The following OXCT1 variants were observed in gnomAD, a reference collection of about 807,000 sequenced individuals.
The protein encoded by OXCT1 is 3-oxoacid CoA-transferase 1.
OXCT1 carries 27 observed loss-of-function variants against 69.6 expected under a neutral mutation model. That is an observed-to-expected ratio of 0.39 (90% CI 0.29 to 0.54). OXCT1 has a LOEUF of 0.54. OXCT1 is among the 20% of genes least tolerant of loss of function. The pLI, the probability that OXCT1 is intolerant of heterozygous loss-of-function variation, is 0.72. For synonymous variants in OXCT1, 202 were observed against 217.8 expected (o/e 0.93, Z 0.64); for missense variants, 437 against 650.2 (o/e 0.67, Z 3.57).
chr5:41,829,707 T>A (rs919200874), intron 7 of OXCT1, among the ~76,000 whole-genome samples: 1 of 152,190 alleles, frequency 6.6e-6, no homozygotes, highest in Non-Finnish European at 1.5e-5. Context: ...TACAAGTGTA[T>A]GTAAAATAAT....
At chr5:41,802,762 A>G (rs747216117) in intron 10 of OXCT1, among the ~76,000 whole-genome samples, 3 of 152,144 alleles carry the variant, frequency 2.0e-5, no homozygotes, top group African/African-American at 7.2e-5. Context: ...AGCCAGAGTC[A>G]GGAACGTACC....
At chr5:41,841,568 C>A (rs1222013013) in intron 6 of OXCT1, among the ~76,000 whole-genome samples, 1 of 152,172 alleles carries the variant, frequency 6.6e-6, no homozygotes, top group East Asian at 1.9e-4. Context: ...CATTAACCAC[C>A]AGCATAAAGT....
intron 5 of OXCT1, among the ~76,000 whole-genome samples, chr5:41,848,889 A>C (rs1235905897): frequency 1.3e-5 from 2 of 152,080 alleles, no homozygotes; most frequent in Non-Finnish European, 2.9e-5. Flanking sequence ...GACTTCATGT[A>C]TAAAACACCA....
intron 14 of OXCT1, among the ~76,000 whole-genome samples, chr5:41,758,021 A>G (rs1744168444): frequency 6.6e-6 from 1 of 152,146 alleles, no homozygotes; most frequent in South Asian, 2.1e-4. Flanking sequence ...AGGGGCAGTC[A>G]GCAGTCAGGG....
chr5:41,749,402 T>C (rs1743655176), intron 15 of OXCT1, 125 bp downstream of exon 15: 2 of 651,450 alleles, frequency 3.1e-6, no homozygotes, highest in Non-Finnish European at 5.6e-6. Context: ...TGAGCTTTCC[T>C]ATTCGTTCTG....
At position 41,739,457 on chromosome 5, in the gene OXCT1, G is replaced by T; in HGVS notation, c.1454C>A (p.Thr485Asn). 6.2e-7 allele frequency: 1 copy of T among 1,613,720 alleles called. No homozygotes were observed. Among genetic ancestry groups the T allele is most frequent in the Non-Finnish European group, 8.5e-7 (1 of 1,179,648 alleles). The change falls in exon 16 of 17, where the codon ACT (threonine) becomes AAT (asparagine). Residue 485 changes from threonine to asparagine, a missense_variant. Physicochemically the swap from Thr to Asn is moderately conservative, Grantham distance 65 (BLOSUM62 0). Coordinates refer to ENST00000196371, the MANE Select transcript of OXCT1 (RefSeq NM_000436.4). ...CAGGCCTTCCCAGAGCTCAATCAGAGTCAACCCTTTCTTCTTGTCCACATC... is the reference window on the plus strand; with the variant it reads ...CAGGCCTTCCCAGAGCTCAATCAGATTCAACCCTTTCTTCTTGTCCACATC... ...VFDVDKKKGL[T>N]LIELWEGLTV...
At chr5:41,749,707 C>G in intron 14 of OXCT1, 100 bp from the exon 15 acceptor site, 1 of 784,616 alleles carries the variant, frequency 1.3e-6, no homozygotes, top group East Asian at 2.7e-5. Flanking sequence ...GAGAAATTGT[C>G]TCCTAAGTAA....
chr5:41,760,182 T>C (rs1479618165), intron 14 of OXCT1, among the ~76,000 whole-genome samples: 2 of 152,126 alleles, frequency 1.3e-5, no homozygotes, highest in Non-Finnish European at 2.9e-5. Flanking sequence ...TAGTAGCAGC[T>C]ACATATTCGA....
At chr5:41,766,396 T>A (rs1744599736) in intron 13 of OXCT1, among the ~76,000 whole-genome samples, 1 of 152,106 alleles carries the variant, frequency 6.6e-6, no homozygotes, top group South Asian at 2.1e-4. Context: ...AAAAGATGAA[T>A]ATGATGATCC....
Position 41,870,419 on chromosome 5 carries a change from C to T in OXCT1, c.-61G>A. The T allele has an allele frequency of 7.5e-7, 1 of 1,326,752 alleles. No homozygotes were observed. Among genetic ancestry groups the T allele is most frequent in the Non-Finnish European group, 1.1e-6 (1 of 931,444 alleles). 82.2% of individuals were successfully genotyped at this position (1,326,752 alleles called of 1,614,324 possible). ...GAGCGCGCGTTTGAGCGTCGGTGCG[C>T]GACTGCGAAGGAAACCCGGGCGGGC... On this transcript the variant is annotated 5_prime_UTR_variant, in exon 1 of 17. Transcript: ENST00000196371. The surrounding 1 kb of genome is among the most constrained non-coding windows in gnomAD (Gnocchi z 4.2).
intron 7 of OXCT1, among the ~76,000 whole-genome samples, chr5:41,825,786 C>T (rs1185949533): frequency 6.6e-6 from 1 of 152,202 alleles, no homozygotes; most frequent in Non-Finnish European, 1.5e-5. Context: ...CAGCATGAGG[C>T]CCTCACCAGA....
At chr5:41,746,503 A>T (rs964986745) in intron 15 of OXCT1, among the ~76,000 whole-genome samples, 1 of 152,064 alleles carries the variant, frequency 6.6e-6, no homozygotes, top group Non-Finnish European at 1.5e-5. Context: ...TTTATTGAGC[A>T]CCTACTATGC....
At chr5:41,807,214 G>A (rs1372951282) in intron 8 of OXCT1, 117 bp downstream of exon 8, 1 of 708,652 alleles carries the variant, frequency 1.4e-6, no homozygotes, top group African/African-American at 1.7e-5. Context: ...CTCTTACTAA[G>A]ATCCAAGACC....
intron 7 of OXCT1, among the ~76,000 whole-genome samples, chr5:41,821,883 T>C: frequency 6.6e-6 from 1 of 152,218 alleles, no homozygotes; most frequent in East Asian, 1.9e-4. Flanking sequence ...AACCAGAGTT[T>C]GTCATTTTTT....
At chr5:41,823,283 CCCTCCCCTTG>C (rs1747651337) in intron 7 of OXCT1, among the ~76,000 whole-genome samples, 1 of 152,130 alleles carries the variant, frequency 6.6e-6, no homozygotes, top group African/African-American at 2.4e-5. Flanking sequence ...CACTTTTCCC[CCCTCCCCTTG>C]CCAGAAGCAC....
rs868726311 is a variant in OXCT1 at position 41,822,625 on chromosome 5, C to A, written c.733-15187G>T. ...AGTAGCCAGAATTACAGGCGTGTGC[C>A]ACCATGCCCGGCTAATTTTTGTATT... On this transcript the variant is annotated intron_variant, in intron 7 of 16. Coordinates refer to ENST00000196371, the MANE Select transcript of OXCT1 (RefSeq NM_000436.4). Among the ~76,000 whole-genome samples, 10 of 152,230 alleles carry A rather than the reference C, an allele frequency of 6.6e-5. No individual in the cohort carries two copies. In the South Asian group the frequency reaches 1.7e-3, roughly 25 times the overall value.
intron 14 of OXCT1, among the ~76,000 whole-genome samples, chr5:41,750,424 A>T (rs1463217388): frequency 6.6e-6 from 1 of 151,962 alleles, no homozygotes; most frequent in African/African-American, 2.4e-5. Context: ...GGCTCTGAGG[A>T]TCTGATCTTC....
At chr5:41,758,066 T>G (rs1465837393) in intron 14 of OXCT1, among the ~76,000 whole-genome samples, 1 of 152,074 alleles carries the variant, frequency 6.6e-6, no homozygotes, top group Non-Finnish European at 1.5e-5. Context: ...TCTATGCAGA[T>G]GTAAAGAAGG....
chr5:41,803,634 G>C (rs554754570), intron 9 of OXCT1, among the ~76,000 whole-genome samples: 2 of 151,926 alleles, frequency 1.3e-5, no homozygotes, highest in African/African-American at 2.4e-5. Context: ...CAAAATTTCT[G>C]CCTAAAAGTA....
Sources: gnomAD v4.1 joint callset for allele counts (sites outside exome capture counted in the v4.1 genomes callset) on GRCh38, gnomAD v4.1.1 for gene constraint, Gnocchi (gnomAD v3.1) non-coding constraint, MANE v1.5 for transcripts, NCBI Gene and HGNC (gene_info 2026-07-23, HGNC 2026-07-21) for gene names.